Variants in PRKN observed in about 807,000 individuals in gnomAD.
PRKN encodes E3 ubiquitin-protein ligase parkin.
A neutral mutation model predicts 59.5 loss-of-function variants in PRKN; 56 were observed. The observed-to-expected ratio is 0.94, with a 90% CI of 0.76 to 1.18. The LOEUF (loss-of-function observed/expected upper bound fraction) is 1.18. Among genes scored for constraint, PRKN ranks in the 50% most tolerant of loss-of-function variants. The pLI is 0.00. For synonymous variants in PRKN, 250 were observed against 222.1 expected (o/e 1.13, Z -1.12); for missense variants, 657 against 596.4 (o/e 1.10, Z -1.06).
chr6:162,451,436 A>G (rs867071951), intron 1 of PRKN, among the ~76,000 whole-genome samples: 6 of 151,942 alleles, frequency 3.9e-5, no homozygotes, highest in Non-Finnish European at 8.8e-5. Flanking sequence ...TAGAAATTAT[A>G]AAAAGGAATC....
intron 1 of PRKN, among the ~76,000 whole-genome samples, chr6:162,552,554 A>G (rs986418917): frequency 6.6e-6 from 1 of 152,172 alleles, no homozygotes; most frequent in Non-Finnish European, 1.5e-5. Context: ...GAGATGGAGA[A>G]GATTCATGGA....
chr6:161,873,259 C>T (rs73603173), intron 6 of PRKN, among the ~76,000 whole-genome samples: 5,795 of 151,904 alleles, frequency 0.038, 377 homozygotes, highest in African/African-American at 0.13. Context: ...CCGGTCCTTC[C>T]CTGTAGAAAC....
At chr6:162,115,008 G>T (rs1290950574) in intron 4 of PRKN, among the ~76,000 whole-genome samples, 2 of 151,590 alleles carry the variant, frequency 1.3e-5, no homozygotes, top group Non-Finnish European at 2.9e-5. Context: ...TATACCCAAA[G>T]GACTATAAAT....
chr6:161,765,128 T>G (rs1789367974), intron 7 of PRKN, among the ~76,000 whole-genome samples: 1 of 152,226 alleles, frequency 6.6e-6, no homozygotes, highest in African/African-American at 2.4e-5. Flanking sequence ...CTGTTAAGTG[T>G]TATTATCCCC....
intron 1 of PRKN, among the ~76,000 whole-genome samples, chr6:162,565,989 G>T (rs1780060650): frequency 6.6e-6 from 1 of 152,010 alleles, no homozygotes; most frequent in Non-Finnish European, 1.5e-5. Context: ...ATATAAAAAG[G>T]TCACTATATA....
At chr6:161,874,905 A>G in intron 6 of PRKN, among the ~76,000 whole-genome samples, 1 of 109,110 alleles carries the variant, frequency 9.2e-6, no homozygotes, top group East Asian at 2.7e-4. Flanking sequence ...TATATAATAT[A>G]TATTATAAAA....
rs534864850 is a variant in PRKN, at chr6:162,355,388, A to AATCT, written c.171+87918_171+87921dup. Reference sequence around the variant, plus strand: ...GAACTTAAATTTTAACACCATCTGTAATCTATCTATCTATCTATCTATATA... The same window carrying AATCT: ...GAACTTAAATTTTAACACCATCTGTAATCTATCTATCTATCTATCTATCTATATA... On this transcript the variant is annotated intron_variant, in intron 2 of 11. Transcript: ENST00000366898. 3.5e-3 allele frequency among the ~76,000 whole-genome samples: 524 copies of AATCT among 151,468 alleles called. 3 individuals are homozygous for AATCT. Among genetic ancestry groups the AATCT allele is most frequent in the Middle Eastern group, 0.01 (3 of 290 alleles).
At chr6:162,479,161 A>G (rs896431280) in intron 1 of PRKN, among the ~76,000 whole-genome samples, 1 of 151,948 alleles carries the variant, frequency 6.6e-6, no homozygotes, top group Non-Finnish European at 1.5e-5. Flanking sequence ...ACACAAAAGT[A>G]TTCCTTCTTC....
chr6:161,362,428 C>T lies in PRKN; in HGVS notation c.1168-2223G>A, dbSNP rs1285576477. On this transcript the variant is annotated intron_variant, in intron 10 of 11. Coordinates refer to ENST00000366898, the MANE Select transcript of PRKN (RefSeq NM_004562.3). The surrounding 1 kb of genome is among the most constrained non-coding windows in gnomAD (Gnocchi z 5.2). Reference sequence around the variant, plus strand: ...CAGGAGACAAAGCCTCCAGCCAGAGCCAGGTGGGAGGTGGAATCCAGTTTT... The same window carrying T: ...CAGGAGACAAAGCCTCCAGCCAGAGTCAGGTGGGAGGTGGAATCCAGTTTT... 2.0e-5 allele frequency among the ~76,000 whole-genome samples: 3 copies of T among 152,092 alleles called. No homozygotes were observed. Among genetic ancestry groups the T allele is most frequent in the South Asian group, 4.1e-4 (2 of 4,820 alleles).
In PRKN at chr6:161,393,736, GAT is replaced by G. The variant is rs35921326; in HGVS notation, c.1084-6861_1084-6860del. ...AGCAATGACCCTTAAAATAAGGCTTGATGATGATCTCTCTATGGAAGCCAAGA... is the reference window on the plus strand; with the variant it reads ...AGCAATGACCCTTAAAATAAGGCTTGGATGATCTCTCTATGGAAGCCAAGA... On this transcript the variant is annotated intron_variant, in intron 9 of 11. Transcript: ENST00000366898. The surrounding 1 kb of genome is among the most constrained non-coding windows in gnomAD (Gnocchi z 4.7). 0.23 allele frequency among the ~76,000 whole-genome samples: 34,388 copies of G among 151,534 alleles called. 3,984 individuals carry two copies. Among genetic ancestry groups the G allele is most frequent in the South Asian group, 0.27 (1,283 of 4,810 alleles).
intron 5 of PRKN, among the ~76,000 whole-genome samples, chr6:162,046,005 T>C (rs546675629): frequency 1.3e-5 from 2 of 152,256 alleles, no homozygotes; most frequent in Non-Finnish European, 2.9e-5. Flanking sequence ...ATCTCATTTA[T>C]AAATCTATTT....
chr6:162,144,672 T>C (rs1781942259), intron 4 of PRKN, among the ~76,000 whole-genome samples: 1 of 152,166 alleles, frequency 6.6e-6, no homozygotes, highest in African/African-American at 2.4e-5. Flanking sequence ...CTTACATAGT[T>C]GATTTCAGGA....
chr6:162,229,784 C>T (rs1778343500), intron 3 of PRKN, among the ~76,000 whole-genome samples: 1 of 152,228 alleles, frequency 6.6e-6, no homozygotes, highest in Admixed American at 6.5e-5. Flanking sequence ...CAGAAATAGT[C>T]TGTTTTTGTA....
chr6:161,979,136 A>C (rs575451115), intron 5 of PRKN, among the ~76,000 whole-genome samples: 3 of 152,132 alleles, frequency 2.0e-5, no homozygotes, highest in African/African-American at 7.2e-5. Flanking sequence ...GCTAAAATCT[A>C]TAACAGCAAA....
At chr6:162,719,916 A>C in intron 1 of PRKN, among the ~76,000 whole-genome samples, 1 of 124,832 alleles carries the variant, frequency 8.0e-6, no homozygotes, top group Middle Eastern at 4.0e-3. Flanking sequence ...AAAAAAAAAA[A>C]AAACTAAAGG....
chr6:161,422,118 C>A (rs562885380), intron 9 of PRKN, among the ~76,000 whole-genome samples: 2 of 152,030 alleles, frequency 1.3e-5, no homozygotes, highest in South Asian at 4.2e-4. Flanking sequence ...AACTTATTAG[C>A]CAAGGATTCT....
chr6:162,709,523 T>C (rs977972193), intron 1 of PRKN, among the ~76,000 whole-genome samples: 5 of 152,138 alleles, frequency 3.3e-5, no homozygotes, highest in African/African-American at 1.2e-4. Flanking sequence ...AGTTCCTTAG[T>C]TGCAATGCAA....
rs533477414 is a variant in PRKN, at chr6:162,507,475, G to C, written c.8-64002C>G. Among the ~76,000 whole-genome samples the C allele has an allele frequency of 9.9e-5, 15 of 152,110 alleles. No homozygotes were observed. The East Asian group carries it at 2.9e-3, about 29-fold the overall frequency. ...TATTCCTTAAGGTTAAAAATACCCA[G>C]TTCGCTCCTTTTGCCAGCACCATAT... is the stretch of plus-strand genomic sequence containing the variant. On this transcript the variant is annotated intron_variant, in intron 1 of 11. Coordinates refer to ENST00000366898, the MANE Select transcript of PRKN (RefSeq NM_004562.3).
intron 1 of PRKN, among the ~76,000 whole-genome samples, chr6:162,562,921 TA>T (rs1779901047): frequency 6.6e-6 from 1 of 152,178 alleles, no homozygotes; most frequent in Admixed American, 6.6e-5. Flanking sequence ...AACAAAGTCA[TA>T]GTGGTGGTGG....
Sources: gnomAD v4.1 joint callset for allele counts (sites outside exome capture counted in the v4.1 genomes callset) on GRCh38, gnomAD v4.1.1 for gene constraint, Gnocchi (gnomAD v3.1) non-coding constraint, MANE v1.5 for transcripts, NCBI Gene and HGNC (gene_info 2026-07-23, HGNC 2026-07-21) for gene names.